Variants in FILIP1 observed in about 807,000 individuals in gnomAD.
FILIP1 encodes the protein filamin A interacting protein 1, also known as filamin-A-interacting protein 1.
A neutral mutation model predicts 102.1 loss-of-function variants in FILIP1; 61 were observed. The observed-to-expected ratio is 0.60, with a 90% confidence interval of 0.49 to 0.74. FILIP1 has a LOEUF of 0.74. Among genes scored for constraint, FILIP1 ranks in the 30% least tolerant of loss-of-function variants. The pLI is 0.00. For synonymous variants in FILIP1, 491 were observed against 526.9 expected, an observed-to-expected ratio of 0.93 and a Z score of 0.93; for missense variants, 1,314 against 1,441.2, an observed-to-expected ratio of 0.91 and a Z score of 1.43.
intron 1 of FILIP1, among the ~76,000 whole-genome samples, chr6:75,441,890 C>A (rs1231354647): frequency 2.1e-5 from 3 of 146,044 alleles, no homozygotes; most frequent in South Asian, 2.2e-4. Flanking sequence ...GGGGGTAGAC[C>A]CCCCCACCTC....
chr6:75,363,682 C>T (rs1201956606), intron 2 of FILIP1, among the ~76,000 whole-genome samples: 2 of 152,208 alleles, frequency 1.3e-5, no homozygotes, highest in Non-Finnish European at 2.9e-5. Flanking sequence ...AATGCAAATA[C>T]ACCTGTTTAT....
At chr6:75,335,198 G>A (rs1339931100) in intron 4 of FILIP1, among the ~76,000 whole-genome samples, 1 of 152,094 alleles carries the variant, frequency 6.6e-6, no homozygotes, top group African/African-American at 2.4e-5. Context: ...TGCCAGTTAA[G>A]GTACATGGTA....
chr6:75,372,766 GAAAGAAAGAAAGAA>G (rs1775614033), intron 2 of FILIP1, among the ~76,000 whole-genome samples: 1 of 101,682 alleles, frequency 9.8e-6, no homozygotes, highest in Non-Finnish European at 2.1e-5. Context: ...AAGAAAGAAA[GAAAGAAAGAAAGAA>G]AGAAAGAAAG....
At chr6:75,382,346 G>T (rs1333071691) in intron 2 of FILIP1, among the ~76,000 whole-genome samples, 1 of 152,154 alleles carries the variant, frequency 6.6e-6, no homozygotes, top group Non-Finnish European at 1.5e-5. Context: ...GATAAAATAT[G>T]CACTCACGGA....
intron 2 of FILIP1, among the ~76,000 whole-genome samples, chr6:75,372,304 T>A (rs2998374): frequency 0.045 from 6,648 of 148,358 alleles, 416 homozygotes; most frequent in African/African-American, 0.13. Flanking sequence ...GATGTGGAGG[T>A]TGCGATGAGC....
chr6:75,435,498 C>T (rs1777988820), intron 1 of FILIP1, among the ~76,000 whole-genome samples: 1 of 152,214 alleles, frequency 6.6e-6, no homozygotes, highest in Non-Finnish European at 1.5e-5. Flanking sequence ...TGCTGTTTCA[C>T]ACAATGAGAA....
At chr6:75,403,275 A>T (rs767652802) in intron 2 of FILIP1, among the ~76,000 whole-genome samples, 1 of 152,064 alleles carries the variant, frequency 6.6e-6, no homozygotes, top group African/African-American at 2.4e-5. Context: ...GCACTTTGGG[A>T]GGCTGAGATG....
chr6:75,309,211 A>C (rs560188241), intron 5 of FILIP1, among the ~76,000 whole-genome samples: 5 of 152,220 alleles, frequency 3.3e-5, no homozygotes, highest in Admixed American at 3.3e-4. Flanking sequence ...ACCAGGCAAA[A>C]ACTCAGGCAA....
intron 1 of FILIP1, among the ~76,000 whole-genome samples, chr6:75,441,127 C>T (rs1219728617): frequency 2.6e-5 from 4 of 151,768 alleles, no homozygotes; most frequent in African/African-American, 9.7e-5. Flanking sequence ...GAGGACCCTG[C>T]GGCCTTCCGC....
chr6:75,412,678 G>C (rs946457906), intron 2 of FILIP1, among the ~76,000 whole-genome samples: 3 of 152,142 alleles, frequency 2.0e-5, no homozygotes, highest in Non-Finnish European at 2.9e-5. Context: ...TATATCTATA[G>C]TTCTAAATAT....
At chr6:75,302,286 CT>C (rs1772860317) in intron 6 of FILIP1, among the ~76,000 whole-genome samples, 1 of 152,140 alleles carries the variant, frequency 6.6e-6, no homozygotes, top group Non-Finnish European at 1.5e-5. Flanking sequence ...ATTCTGCCAT[CT>C]CATTACCTGT....
chr6:75,425,893 T>C (rs1442295708), intron 1 of FILIP1, among the ~76,000 whole-genome samples: 1 of 151,922 alleles, frequency 6.6e-6, no homozygotes, highest in Non-Finnish European at 1.5e-5. Flanking sequence ...CTCATTATCC[T>C]CATATAGGTA....
In FILIP1 at chr6:75,408,640, A is replaced by C. The variant is rs76047057; in HGVS notation, c.276+6057T>G. Among the ~76,000 whole-genome samples the C allele has an allele frequency of 1.5e-3, 229 of 152,314 alleles. 1 individual carries two copies. Among genetic ancestry groups the C allele is most frequent in the African/African-American group, 5.4e-3 (225 of 41,570 alleles). On this transcript the variant is annotated intron_variant, in intron 2 of 5. Coordinates refer to ENST00000237172, the MANE Select transcript of FILIP1 (RefSeq NM_015687.5). ...GTTGGATATAGAGTTGGAGAGAATG[A>C]GAGAGATCAAAAAGGAGTCTGTAAA...
chr6:75,492,693 A>G (rs987974619), intron 1 of FILIP1, among the ~76,000 whole-genome samples: 5 of 152,212 alleles, frequency 3.3e-5, no homozygotes, highest in Non-Finnish European at 7.3e-5. Flanking sequence ...CTTAACAGAA[A>G]ATGTTTTCTA....
chr6:75,366,367 T>A (rs1158588755), intron 2 of FILIP1, among the ~76,000 whole-genome samples: 1 of 152,182 alleles, frequency 6.6e-6, no homozygotes, highest in Non-Finnish European at 1.5e-5. Flanking sequence ...GCATAAAAAA[T>A]TAAATAAATC....
intron 1 of FILIP1, among the ~76,000 whole-genome samples, chr6:75,439,069 C>T (rs1326963300): frequency 6.6e-6 from 1 of 152,234 alleles, no homozygotes; most frequent in Admixed American, 6.5e-5. Context: ...TTTGAATTCA[C>T]TCTTCAGCAT....
intron 2 of FILIP1, among the ~76,000 whole-genome samples, chr6:75,396,493 C>CATTGCCTGGCATTCCGTA (rs1176453564): frequency 6.6e-6 from 1 of 152,042 alleles, no homozygotes; most frequent in Non-Finnish European, 1.5e-5. Context: ...ACATTCTCTC[C>CATTGCCTGGCATTCCGTA]ATTGCCTGGC....
chr6:75,320,444 G>C (rs1773612221), intron 4 of FILIP1, among the ~76,000 whole-genome samples: 1 of 152,058 alleles, frequency 6.6e-6, no homozygotes, highest in South Asian at 2.1e-4. Flanking sequence ...GTGTGTGGTG[G>C]CATGTGCCTG....
chr6:75,446,669 C>T (rs1280646917), intron 1 of FILIP1, among the ~76,000 whole-genome samples: 8 of 152,094 alleles, frequency 5.3e-5, no homozygotes, highest in Admixed American at 1.3e-4. Context: ...AGTTTCTAGC[C>T]GCAACCATCA....
Sources: gnomAD v4.1 joint callset for allele counts (sites outside exome capture counted in the v4.1 genomes callset) on GRCh38, gnomAD v4.1.1 for gene constraint, MANE v1.5 for transcripts, NCBI Gene and HGNC (gene_info 2026-07-23, HGNC 2026-07-21) for gene names.